LSAMP: variants seen among roughly 807,000 people sequenced by gnomAD.
LSAMP encodes the protein limbic system-associated membrane protein.
In LSAMP, 7 loss-of-function variants were observed where a neutral mutation model predicts 38.6. The ratio of observed to expected loss-of-function variants is 0.18; its 90% confidence interval spans 0.10 to 0.34. The LOEUF (loss-of-function observed/expected upper bound fraction) is 0.34, where lower values mean the gene tolerates loss of function less well. Among genes scored for constraint, LSAMP ranks in the 10% least tolerant of loss-of-function variants. LSAMP has a pLI of 1.00. For synonymous variants in LSAMP, 154 were observed against 166.8 expected (o/e 0.92, Z 0.59); for missense variants, 313 against 420.0 (o/e 0.75, Z 2.23).
chr3:116,434,631 G>A (rs2049323370), intron 1 of LSAMP, among the ~76,000 whole-genome samples: 2 of 152,120 alleles, frequency 1.3e-5, no homozygotes, highest in African/African-American at 4.8e-5. Context: ...TCGGCTCACT[G>A]AAACTCTGCC....
At chr3:115,942,500 C>A (rs543395686) in intron 3 of LSAMP, among the ~76,000 whole-genome samples, 1 of 152,226 alleles carries the variant, frequency 6.6e-6, no homozygotes, top group Non-Finnish European at 1.5e-5. Context: ...AAAATAAGTA[C>A]TTTAAGAGAC....
intron 1 of LSAMP, among the ~76,000 whole-genome samples, chr3:116,345,067 T>C (rs1237342778): frequency 6.6e-6 from 1 of 152,154 alleles, no homozygotes; most frequent in Non-Finnish European, 1.5e-5. Flanking sequence ...CTGCACTATG[T>C]ACTGTGTGAA....
intron 1 of LSAMP, among the ~76,000 whole-genome samples, chr3:116,366,010 T>TAAAAA (rs2048346770): frequency 3.4e-4 from 1 of 2,904 alleles, no homozygotes; most frequent in Admixed American, 5.2e-3. Context: ...ACTTAGAGTA[T>TAAAAA]AATAAAAAAA....
intron 1 of LSAMP, among the ~76,000 whole-genome samples, chr3:116,344,994 T>G (rs2048044687): frequency 6.6e-6 from 1 of 152,222 alleles, no homozygotes; most frequent in Non-Finnish European, 1.5e-5. Flanking sequence ...CCTGTGTGTA[T>G]GTATGTGTGT....
chr3:115,940,587 A>G (rs1228031491), intron 3 of LSAMP, among the ~76,000 whole-genome samples: 1 of 152,204 alleles, frequency 6.6e-6, no homozygotes. Context: ...ATTTTTGTAT[A>G]TGATATAAGG....
chr3:116,201,046 C>A (rs2045981347), intron 1 of LSAMP, among the ~76,000 whole-genome samples: 1 of 152,236 alleles, frequency 6.6e-6, no homozygotes, highest in Non-Finnish European at 1.5e-5. Flanking sequence ...CACGCTTAGC[C>A]AACCCTGTGC....
chr3:116,307,668 A>T (rs768431110), intron 1 of LSAMP, among the ~76,000 whole-genome samples: 2 of 152,008 alleles, frequency 1.3e-5, no homozygotes, highest in Non-Finnish European at 2.9e-5. Flanking sequence ...ACAATAAAGG[A>T]CTAGTTAAAC....
At chr3:115,919,036 G>T (rs760471398) in intron 3 of LSAMP, among the ~76,000 whole-genome samples, 1 of 152,120 alleles carries the variant, frequency 6.6e-6, no homozygotes, top group Non-Finnish European at 1.5e-5. Context: ...TGGACTAAGA[G>T]AGATGAAATT....
intron 1 of LSAMP, among the ~76,000 whole-genome samples, chr3:116,443,557 A>T (rs886382205): frequency 6.6e-6 from 1 of 152,198 alleles, no homozygotes; most frequent in East Asian, 1.9e-4. Flanking sequence ...GTGACAGCCA[A>T]CCAAATTTAT....
intron 1 of LSAMP, among the ~76,000 whole-genome samples, chr3:116,394,625 C>G (rs1486030518): frequency 2.0e-5 from 3 of 152,122 alleles, no homozygotes; most frequent in Non-Finnish European, 2.9e-5. Context: ...TGGGACTGGA[C>G]AATTTTACGC....
At chr3:116,181,947 A>G (rs5016488) in intron 1 of LSAMP, among the ~76,000 whole-genome samples, 75,806 of 151,708 alleles carry the variant, frequency 0.5, 21,419 homozygotes, top group East Asian at 0.74. Context: ...CTATCCAATG[A>G]TTGCATTTAG....
intron 6 of LSAMP, among the ~76,000 whole-genome samples, chr3:115,829,623 G>T (rs1934544220): frequency 6.6e-6 from 1 of 152,212 alleles, no homozygotes; most frequent in African/African-American, 2.4e-5. Flanking sequence ...TGGCAGTCAT[G>T]TGGTACTGTG....
chr3:115,917,044 A>G (rs777903884), intron 3 of LSAMP, among the ~76,000 whole-genome samples: 3 of 152,234 alleles, frequency 2.0e-5, no homozygotes, highest in Non-Finnish European at 4.4e-5. Context: ...CAGAGGAACA[A>G]GGGCCTCTGC....
chr3:116,015,485 A>C (rs920404888), intron 3 of LSAMP, among the ~76,000 whole-genome samples: 31 of 152,246 alleles, frequency 2.0e-4, no homozygotes, highest in Middle Eastern at 3.4e-3. Context: ...TGAAAGTCTA[A>C]CTTAATTAAG....
At chr3:116,156,971 A>G (rs1337271084) in intron 1 of LSAMP, among the ~76,000 whole-genome samples, 1 of 152,162 alleles carries the variant, frequency 6.6e-6, no homozygotes, top group African/African-American at 2.4e-5. Context: ...AAGGAAGGAT[A>G]TTCTAAGGAC....
At chr3:116,282,134 C>T (rs1193213658) in intron 1 of LSAMP, among the ~76,000 whole-genome samples, 1 of 152,164 alleles carries the variant, frequency 6.6e-6, no homozygotes. Context: ...AGACTGCGCT[C>T]ATGCTGGGCA....
intron 1 of LSAMP, among the ~76,000 whole-genome samples, chr3:116,401,942 T>C (rs969161164): frequency 4.6e-5 from 7 of 152,170 alleles, no homozygotes; most frequent in Non-Finnish European, 8.8e-5. Flanking sequence ...GTAGTATTGG[T>C]AGGTAGATAC....
At chr3:115,893,625 C>A (rs527374691) in intron 3 of LSAMP, among the ~76,000 whole-genome samples, 3 of 151,926 alleles carry the variant, frequency 2.0e-5, no homozygotes, top group African/African-American at 7.2e-5. Flanking sequence ...TCTTTATTTG[C>A]TCTATAAAAT....
chr3:116,327,045 A>G (rs112344891), intron 1 of LSAMP, among the ~76,000 whole-genome samples: 3 of 152,296 alleles, frequency 2.0e-5, no homozygotes, highest in African/African-American at 7.2e-5. Flanking sequence ...GGTTTTTCTT[A>G]GATGTGTCCA....
Sources: gnomAD v4.1 joint callset for allele counts (sites outside exome capture counted in the v4.1 genomes callset) on GRCh38, gnomAD v4.1.1 for gene constraint, MANE v1.5 for transcripts, NCBI Gene and HGNC (gene_info 2026-07-23, HGNC 2026-07-21) for gene names.